SOX6: variants seen among roughly 807,000 people sequenced by gnomAD.
SOX6 encodes the protein transcription factor SOX-6.
In SOX6, 11 loss-of-function variants were observed where a neutral mutation model predicts 97.8. The ratio of observed to expected loss-of-function variants is 0.11; its 90% CI spans 0.07 to 0.19. The LOEUF is 0.19. Among genes scored for constraint, SOX6 ranks in the 10% least tolerant of loss-of-function variants. SOX6 has a pLI of 1.00. For synonymous variants in SOX6, 360 were observed against 371.4 expected (o/e 0.97, Z 0.35); for missense variants, 810 against 1,039.5 (o/e 0.78, Z 3.04).
intron 1 of SOX6, among the ~76,000 whole-genome samples, chr11:16,401,209 A>G (rs1858549455): frequency 6.6e-6 from 1 of 151,592 alleles, no homozygotes; most frequent in Non-Finnish European, 1.5e-5. Context: ...AACAACGCAT[A>G]TGAAAGTATC....
chr11:16,466,631 A>T (rs562805795), intron 1 of SOX6, among the ~76,000 whole-genome samples: 109 of 151,774 alleles, frequency 7.2e-4, no homozygotes, highest in African/African-American at 2.6e-3. Flanking sequence ...TACAAGAAAA[A>T]AAAAAACAAA....
chr11:16,037,408 G>C (rs765346667), intron 12 of SOX6, among the ~76,000 whole-genome samples: 1 of 152,174 alleles, frequency 6.6e-6, no homozygotes, highest in Non-Finnish European at 1.5e-5. Flanking sequence ...TACAACAACA[G>C]GGCAGCTTCT....
At chr11:16,416,879 G>A (rs989249617) in intron 1 of SOX6, among the ~76,000 whole-genome samples, 1 of 152,144 alleles carries the variant, frequency 6.6e-6, no homozygotes, top group Non-Finnish European at 1.5e-5. Context: ...GTAATTGGAT[G>A]GGCAAGATGG....
intron 2 of SOX6, among the ~76,000 whole-genome samples, chr11:16,722,424 G>A (rs556479541): frequency 1.3e-5 from 2 of 152,318 alleles, no homozygotes; most frequent in African/African-American, 4.8e-5. Context: ...GGCCGAGGCA[G>A]GCGGATCATT....
chr11:16,557,443 C>G (rs755781312), intron 4 of SOX6, among the ~76,000 whole-genome samples: 1 of 151,866 alleles, frequency 6.6e-6, no homozygotes, highest in Non-Finnish European at 1.5e-5. Context: ...ATACACCATC[C>G]TCTGAAATGT....
chr11:16,637,520 T>C (rs898857237), intron 3 of SOX6, among the ~76,000 whole-genome samples: 12 of 152,166 alleles, frequency 7.9e-5, no homozygotes, highest in Non-Finnish European at 1.2e-4. Flanking sequence ...CACCCAGCTT[T>C]TCAATAGTTT....
At chr11:16,030,349 A>G (rs953147777) in intron 12 of SOX6, among the ~76,000 whole-genome samples, 3 of 152,232 alleles carry the variant, frequency 2.0e-5, no homozygotes, top group South Asian at 4.1e-4. Context: ...ATTGACAATT[A>G]TAGTTTCTCA....
At chr11:16,014,566 T>C (rs1854825686) in intron 13 of SOX6, among the ~76,000 whole-genome samples, 1 of 152,060 alleles carries the variant, frequency 6.6e-6, no homozygotes, top group Non-Finnish European at 1.5e-5. Context: ...CAATGAAAGA[T>C]AAAATAATAT....
intron 1 of SOX6, among the ~76,000 whole-genome samples, chr11:16,466,102 T>A (rs1462104717): frequency 6.6e-6 from 1 of 152,262 alleles, no homozygotes; most frequent in Non-Finnish European, 1.5e-5. Context: ...TTTTATACTG[T>A]CATTGCCTCA....
At chr11:16,505,719 T>C (rs545983051) in intron 4 of SOX6, among the ~76,000 whole-genome samples, 16 of 152,190 alleles carry the variant, frequency 1.1e-4, no homozygotes, top group African/African-American at 4.8e-5. Context: ...CTGTGAGCCA[T>C]ACTCAGGGCC....
intron 6 of SOX6, among the ~76,000 whole-genome samples, chr11:16,116,518 T>A (rs574438766): frequency 6.6e-6 from 1 of 152,314 alleles, no homozygotes; most frequent in African/African-American, 2.4e-5. Flanking sequence ...GTGATAATAA[T>A]ATAATTGTAG....
intron 6 of SOX6, among the ~76,000 whole-genome samples, chr11:16,169,674 C>T (rs1156617702): frequency 2.0e-5 from 3 of 152,064 alleles, no homozygotes; most frequent in Non-Finnish European, 2.9e-5. Context: ...TAAGCAATTA[C>T]TGTCTAAAGA....
intron 9 of SOX6, among the ~76,000 whole-genome samples, chr11:16,084,344 T>C (rs1195120117): frequency 6.6e-6 from 1 of 152,114 alleles, no homozygotes; most frequent in Non-Finnish European, 1.5e-5. Flanking sequence ...CAGTAATTTC[T>C]TAGCTTCATT....
At chr11:16,499,936 G>A (rs1233978905) in intron 4 of SOX6, among the ~76,000 whole-genome samples, 1 of 152,164 alleles carries the variant, frequency 6.6e-6, no homozygotes, top group Non-Finnish European at 1.5e-5. Context: ...TAGAAAAAGA[G>A]GGAATCCTCC....
At chr11:16,432,971 G>C (rs2133077764) in intron 1 of SOX6, among the ~76,000 whole-genome samples, 1 of 152,142 alleles carries the variant, frequency 6.6e-6, no homozygotes, top group South Asian at 2.1e-4. Flanking sequence ...TGTACAGCCA[G>C]TAATCTTCTA....
chr11:16,121,540 C>T (rs956712746), intron 6 of SOX6, among the ~76,000 whole-genome samples: 4 of 151,956 alleles, frequency 2.6e-5, no homozygotes, highest in South Asian at 4.1e-4. Flanking sequence ...TTCTCACTTA[C>T]ATATTAGTAC....
At chr11:16,128,789 C>T (rs1441146663) in intron 6 of SOX6, among the ~76,000 whole-genome samples, 2 of 152,132 alleles carry the variant, frequency 1.3e-5, no homozygotes, top group African/African-American at 4.8e-5. Flanking sequence ...GTGACATAAC[C>T]TGGTGACTAG....
chr11:16,139,951 TTATA>T (rs149983908), intron 6 of SOX6, among the ~76,000 whole-genome samples: 5 of 124,710 alleles, frequency 4.0e-5, no homozygotes, highest in Non-Finnish European at 6.3e-5. Flanking sequence ...GGCTCATATA[TTATA>T]TATATATATA....
intron 3 of SOX6, among the ~76,000 whole-genome samples, chr11:16,291,382 T>TAAAA (rs1011922859): frequency 2.6e-5 from 4 of 151,224 alleles, no homozygotes; most frequent in African/African-American, 7.3e-5. Flanking sequence ...AATAAATAAA[T>TAAAA]AAATAAACAA....
Sources: allele counts gnomAD v4.1 joint callset (sites outside exome capture counted in the v4.1 genomes callset), GRCh38; gene constraint gnomAD v4.1.1; transcripts MANE v1.5; gene names NCBI Gene and HGNC (gene_info 2026-07-23, HGNC 2026-07-21).